The following PGAP1 variants were observed in gnomAD, a reference collection of about 807,000 sequenced individuals.
PGAP1 encodes the protein post-GPI attachment to proteins inositol deacylase 1, also known as GPI inositol-deacylase.
In PGAP1, 76 loss-of-function variants were observed where a neutral mutation model predicts 127.0. That is an observed-to-expected ratio of 0.60 (90% CI 0.50 to 0.72). The LOEUF is 0.72. PGAP1 is among the 30% of genes least tolerant of loss of function. The probability of loss-of-function intolerance (pLI) is 0.00; values close to 1 mark genes in which losing one functional copy is unlikely to be tolerated. For synonymous variants in PGAP1, 362 were observed against 366.5 expected (o/e 0.99, Z 0.14); for missense variants, 982 against 1,071.3 (o/e 0.92, Z 1.16).
chr2:196,854,702 ATTC>A (rs1700823301), intron 20 of PGAP1, among the ~76,000 whole-genome samples: 1 of 152,206 alleles, frequency 6.6e-6, no homozygotes, highest in South Asian at 2.1e-4. Flanking sequence ...ATTGTTTTAA[ATTC>A]TTCTCCAAAA....
chr2:196,869,555 T>TG (rs1441121704), intron 19 of PGAP1, among the ~76,000 whole-genome samples: 6 of 152,126 alleles, frequency 3.9e-5, no homozygotes, highest in Non-Finnish European at 8.8e-5. Flanking sequence ...AGGATGGTCT[T>TG]GGTCTCCTGA....
chr2:196,854,041 T>C (rs1025169414), intron 20 of PGAP1, among the ~76,000 whole-genome samples: 2 of 151,568 alleles, frequency 1.3e-5, no homozygotes, highest in African/African-American at 4.8e-5. Flanking sequence ...CAGGTGTATG[T>C]ACGCCACCAC....
At chr2:196,900,557 G>A (rs1576177245) in intron 5 of PGAP1, among the ~76,000 whole-genome samples, 1 of 152,184 alleles carries the variant, frequency 6.6e-6, no homozygotes, top group African/African-American at 2.4e-5. Flanking sequence ...ACAATGGCAA[G>A]CTTTGATAAA....
intron 2 of PGAP1, among the ~76,000 whole-genome samples, chr2:196,919,114 C>T (rs1236580947): frequency 6.6e-6 from 1 of 152,154 alleles, no homozygotes; most frequent in African/African-American, 2.4e-5. Flanking sequence ...CCTTTCCTGA[C>T]CACCTCATCT....
Position 196,926,546 on chromosome 2 carries a change from C to T in PGAP1, c.71G>A (p.Gly24Glu). ...GAAGCCGAAGAAGACATCCCACAGC[C>T]CCAGGGTTGCCAGAAAGACCATGAA... The part of the protein sequence containing the change: ...YVFMVFLATL[G>E]LWDVFFGFEE... Residue 24 changes from glycine (G) to glutamate (E), a missense_variant, in exon 1 of 27, where the codon GGG (glycine) becomes GAG (glutamate). Gly to Glu is a moderately conservative substitution (Grantham distance 98, BLOSUM62 -2). Coordinates refer to ENST00000354764, the MANE Select transcript of PGAP1 (RefSeq NM_024989.4). 6.2e-7 allele frequency: 1 copy of T among 1,614,178 alleles called. No individual in the cohort carries two copies. Among genetic ancestry groups the T allele is most frequent in the South Asian group, 1.1e-5 (1 of 91,084 alleles).
rs577857933 is a variant in PGAP1, at chr2:196,890,847, T to C, written c.1154A>G (p.Tyr385Cys). ...TCTTACCAGCATAGTGCTCTGACAATAGACATGAGTGTAGATTTTTCTATG... is the reference window on the plus strand; with the variant it reads ...TCTTACCAGCATAGTGCTCTGACAACAGACATGAGTGTAGATTTTTCTATG... The part of the protein sequence containing the change: ...ENHRKIYTHV[Y>C]CQSTMLDTNS... Residue 385 changes from tyrosine to cysteine, a missense_variant, in exon 10 of 27, where the codon TAT becomes TGT. Physicochemically the swap from Tyr to Cys is radical, Grantham distance 194. Coordinates refer to ENST00000354764, the MANE Select transcript of PGAP1 (RefSeq NM_024989.4). 9 of 1,538,634 alleles carry C rather than the reference T, an allele frequency of 5.8e-6. No individual in the cohort carries two copies. Among genetic ancestry groups the C allele is most frequent in the Non-Finnish European group, 7.2e-6 (8 of 1,112,224 alleles).
chr2:196,851,935 T>C (rs1700733070), intron 20 of PGAP1, among the ~76,000 whole-genome samples: 1 of 152,230 alleles, frequency 6.6e-6, no homozygotes, highest in African/African-American at 2.4e-5. Context: ...ATGTCTTTTC[T>C]AGGGAATTTA....
In PGAP1 at chr2:196,835,213, T is replaced by A. The variant is rs1358294644; in HGVS notation, c.*6021A>T. The A allele has an allele frequency of 6.6e-6, 1 of 152,038 alleles. No individual in the cohort carries two copies. Among genetic ancestry groups the A allele is most frequent in the Non-Finnish European group, 1.5e-5 (1 of 67,908 alleles). The allele number at this position is 152,038 out of a possible 1,614,324, so 9.4% of individuals were successfully genotyped here. On this transcript the variant is annotated 3_prime_UTR_variant, in exon 27 of 27. Transcript: ENST00000354764. ...GTATTAATATCTTGTTTTATAATAT[T>A]TTCCTTTAAGATACGCATATTAAAA...
chr2:196,856,915 G>C (rs1700902468), intron 20 of PGAP1, among the ~76,000 whole-genome samples: 1 of 152,122 alleles, frequency 6.6e-6, no homozygotes, highest in African/African-American at 2.4e-5. Context: ...TGTCTTCTCT[G>C]ATTTATTTGA....
At chr2:196,854,400 C>T (rs1021762670) in intron 20 of PGAP1, among the ~76,000 whole-genome samples, 1 of 151,820 alleles carries the variant, frequency 6.6e-6, no homozygotes. Context: ...TATTGATATA[C>T]TACAAAATTA....
At chr2:196,917,442 A>G (rs1200339900) in intron 2 of PGAP1, among the ~76,000 whole-genome samples, 1 of 152,168 alleles carries the variant, frequency 6.6e-6, no homozygotes, top group Non-Finnish European at 1.5e-5. Flanking sequence ...CTGAAATCTA[A>G]CATAAGATAT....
chr2:196,851,156 T>C (rs560261571), intron 20 of PGAP1, among the ~76,000 whole-genome samples: 1 of 151,930 alleles, frequency 6.6e-6, no homozygotes, highest in African/African-American at 2.4e-5. Flanking sequence ...GTTTTTTTGT[T>C]TTTTTTAAAA....
At position 196,890,814 on chromosome 2, in the gene PGAP1, A is replaced by G. The variant is rs751822974; in HGVS notation, c.1173+14T>C. 1 of 1,450,958 alleles carries G rather than the reference A, an allele frequency of 6.9e-7. No homozygotes were observed. Among genetic ancestry groups the G allele is most frequent in the South Asian group, 1.2e-5 (1 of 85,298 alleles). The allele number at this position is 1,450,958 out of a possible 1,614,324, so 89.9% of individuals were successfully genotyped here. A position where few individuals can be genotyped will look rare whatever the true frequency, so the allele number is the denominator to read the frequency against. ...AGCCTCTTAAATTTACATAAAATGTACCAATTATCTTACCAGCATAGTGCT... is the reference window on the plus strand; with the variant it reads ...AGCCTCTTAAATTTACATAAAATGTGCCAATTATCTTACCAGCATAGTGCT... On this transcript the variant is annotated intron_variant, in intron 10 of 26. Coordinates refer to ENST00000354764, the MANE Select transcript of PGAP1 (RefSeq NM_024989.4).
chr2:196,865,352 T>C (rs1018653800), intron 19 of PGAP1, among the ~76,000 whole-genome samples: 1 of 152,170 alleles, frequency 6.6e-6, no homozygotes, highest in East Asian at 1.9e-4. Flanking sequence ...ACACTGATTA[T>C]TTAATACGTT....
chr2:196,890,243 T>G (rs1702055236), intron 10 of PGAP1, among the ~76,000 whole-genome samples: 1 of 152,172 alleles, frequency 6.6e-6, no homozygotes, highest in Non-Finnish European at 1.5e-5. Context: ...CTTCCATTCC[T>G]AATATCATAA....
rs1466323292 is a variant in PGAP1 at position 196,875,735 on chromosome 2, A to C, written c.1426+11T>G. The C allele has an allele frequency of 6.7e-7, 1 of 1,484,418 alleles. No individual in the cohort carries two copies. The highest frequency in any genetic ancestry group is 9.3e-7 in the Non-Finnish European group (1 of 1,071,330). The allele number at this position is 1,484,418 out of a possible 1,614,324, so 92.0% of individuals were successfully genotyped here. A position where few individuals can be genotyped will look rare whatever the true frequency, so the allele number is the denominator to read the frequency against. On this transcript the variant is annotated intron_variant, in intron 14 of 26. Coordinates refer to ENST00000354764, the MANE Select transcript of PGAP1 (RefSeq NM_024989.4). ...AGCAATTCTTATGCTTTCCAAAAACAAAGTACTTACCAAAGGAAAAAAGAT... is the reference window on the plus strand; with the variant it reads ...AGCAATTCTTATGCTTTCCAAAAACCAAGTACTTACCAAAGGAAAAAAGAT...
intron 1 of PGAP1, 103 bp from the exon 2 acceptor site, chr2:196,920,253 TAAAA>T: frequency 1.0e-6 from 1 of 979,410 alleles, no homozygotes; most frequent in Non-Finnish European, 1.5e-6. Flanking sequence ...TAGTGCAATA[TAAAA>T]ATATTACTGA....
intron 4 of PGAP1, among the ~76,000 whole-genome samples, chr2:196,904,800 G>A (rs764106439): frequency 6.6e-6 from 1 of 151,970 alleles, no homozygotes; most frequent in African/African-American, 2.4e-5. Context: ...CAGGCTCCAC[G>A]TGGGGAGGCT....
chr2:196,912,784 T>G, intron 4 of PGAP1, 98 bp downstream of exon 4: 4 of 1,148,860 alleles, frequency 3.5e-6, no homozygotes, highest in Non-Finnish European at 4.8e-6. Context: ...CATACATGGA[T>G]AAATCTGTAG....
Sources: gnomAD v4.1 joint callset for allele counts (sites outside exome capture counted in the v4.1 genomes callset) on GRCh38, gnomAD v4.1.1 for gene constraint, MANE v1.5 for transcripts, NCBI Gene and HGNC (gene_info 2026-07-23, HGNC 2026-07-21) for gene names.